ZNF469: variants seen among roughly 807,000 people sequenced by gnomAD.
The protein encoded by ZNF469 is zinc finger protein 469.
ZNF469 carries 1 observed loss-of-function variant against 1.0 expected under a neutral mutation model. The observed-to-expected ratio is 1.00, with a 90% CI of 0.35 to 4.73. The LOEUF is 4.73. Among genes scored for constraint, ZNF469 ranks in the 30% most tolerant of loss-of-function variants. The probability of loss-of-function intolerance (pLI) is 0.16; values close to 1 mark genes in which losing one functional copy is unlikely to be tolerated. For missense variants in ZNF469, 6,100 were observed against 5,356.3 expected (o/e 1.14, Z -4.33); for synonymous variants, 2,703 against 2,363.4 (o/e 1.14, Z -4.17).
At chr16:88,135,747 T>G in the ZNF469 span, among the ~76,000 whole-genome samples, 2 of 17,988 alleles carry the variant, frequency 1.1e-4, no homozygotes, top group East Asian at 2.3e-3. Flanking sequence ...AAGCTGGCCA[T>G]GTTTTTTTTT....
chr16:88,232,298 G>A, the ZNF469 span, among the ~76,000 whole-genome samples: 2 of 152,198 alleles, frequency 1.3e-5, no homozygotes, highest in African/African-American at 4.8e-5. Flanking sequence ...TTACCTGGAT[G>A]TTTAGAACAC....
the ZNF469 span, among the ~76,000 whole-genome samples, chr16:88,266,401 G>A: frequency 6.6e-6 from 1 of 152,248 alleles, no homozygotes; most frequent in Non-Finnish European, 1.5e-5. Flanking sequence ...AGACAGTACG[G>A]CCTGTCGTGC....
chr16:88,170,077 G>T, the ZNF469 span, among the ~76,000 whole-genome samples: 3 of 152,324 alleles, frequency 2.0e-5, no homozygotes, highest in South Asian at 2.1e-4. This position sits in a 1 kb window ranked among gnomAD's most constrained non-coding sequence, Gnocchi z 4.2. Context: ...CTGACTTACT[G>T]TGTGACTGTG....
chr16:88,412,666 C>T (rs1239520393), intron 1 of ZNF469, among the ~76,000 whole-genome samples: 1 of 152,172 alleles, frequency 6.6e-6, no homozygotes, highest in Non-Finnish European at 1.5e-5. Context: ...CAGCGATGTC[C>T]CCACACTCGG....
At chr16:88,234,521 G>C in the ZNF469 span, among the ~76,000 whole-genome samples, 2 of 152,326 alleles carry the variant, frequency 1.3e-5, no homozygotes, top group East Asian at 3.9e-4. Flanking sequence ...AGCGCAGACC[G>C]GGGCTGGCTC....
chr16:88,193,162 ATGGTGGTGGGGATGGTGG>A, the ZNF469 span, among the ~76,000 whole-genome samples: 1 of 63,780 alleles, frequency 1.6e-5, no homozygotes, highest in Non-Finnish European at 3.2e-5. Flanking sequence ...GATGGTGGTG[ATGGTGGTGGGGATGGTGG>A]TGATGGTGGT....
the ZNF469 span, among the ~76,000 whole-genome samples, chr16:88,249,429 C>CTTTTTTTTTTTTTTTTTTT: frequency 7.9e-5 from 5 of 63,612 alleles, no homozygotes; most frequent in African/African-American, 2.5e-4. Context: ...TTTTCTTTTT[C>CTTTTTTTTTTTTTTTTTTT]TTTTTTTTTT....
the ZNF469 span, among the ~76,000 whole-genome samples, chr16:88,251,351 G>A: frequency 6.6e-6 from 1 of 152,040 alleles, no homozygotes; most frequent in Non-Finnish European, 1.5e-5. Flanking sequence ...GACATTGCAT[G>A]TGTCATGTCT....
chr16:88,323,594 C>T, the ZNF469 span, among the ~76,000 whole-genome samples: 15 of 152,120 alleles, frequency 9.9e-5, no homozygotes, highest in Non-Finnish European at 2.2e-4. Context: ...GTGGGAAGGC[C>T]TGGGCAGCCA....
chr16:88,159,155 T>C, the ZNF469 span, among the ~76,000 whole-genome samples: 7 of 8,610 alleles, frequency 8.1e-4, no homozygotes, highest in African/African-American at 1.2e-3. Context: ...CGGATGCTCA[T>C]ATGGCTATGT....
the ZNF469 span, among the ~76,000 whole-genome samples, chr16:88,158,285 C>T: frequency 6.6e-6 from 1 of 151,864 alleles, no homozygotes; most frequent in Non-Finnish European, 1.5e-5. Context: ...GTGGGGGCAG[C>T]TGTAACAAAG....
At chr16:88,214,432 T>C in the ZNF469 span, among the ~76,000 whole-genome samples, 1 of 151,944 alleles carries the variant, frequency 6.6e-6, no homozygotes, top group Non-Finnish European at 1.5e-5. Flanking sequence ...GTCCCCACTC[T>C]GATTGTAGAT....
At chr16:88,318,411 G>T in the ZNF469 span, among the ~76,000 whole-genome samples, 12 of 140,020 alleles carry the variant, frequency 8.6e-5, no homozygotes, top group Non-Finnish European at 1.8e-4. Context: ...GGAAGAGCCA[G>T]CGGTGTCCTC....
the ZNF469 span, among the ~76,000 whole-genome samples, chr16:88,294,559 TTTGA>T: frequency 1.3e-5 from 2 of 152,250 alleles, no homozygotes; most frequent in Non-Finnish European, 2.9e-5. Flanking sequence ...CCACTCATTC[TTTGA>T]AGAAAGAGGC....
At chr16:88,397,684 G>A (rs1013966763) in intron 1 of ZNF469, among the ~76,000 whole-genome samples, 2 of 58,904 alleles carry the variant, frequency 3.4e-5, no homozygotes, top group African/African-American at 1.6e-4. Context: ...ATAGATAGAT[G>A]TGATAGAGAC....
At chr16:88,142,244 G>C in the ZNF469 span, among the ~76,000 whole-genome samples, 1 of 152,206 alleles carries the variant, frequency 6.6e-6, no homozygotes, top group Non-Finnish European at 1.5e-5. Flanking sequence ...GGGGGGTCTG[G>C]GAAAGGCTGC....
At chr16:88,139,997 C>G in the ZNF469 span, among the ~76,000 whole-genome samples, 1 of 152,220 alleles carries the variant, frequency 6.6e-6, no homozygotes, top group Admixed American at 6.5e-5. Flanking sequence ...CTCCAATAAA[C>G]AGCCACAGGA....
chr16:88,304,314 A>T, the ZNF469 span, among the ~76,000 whole-genome samples: 4 of 152,136 alleles, frequency 2.6e-5, no homozygotes, highest in Admixed American at 6.6e-5. Context: ...ACACGTCCCC[A>T]TCGCACTGTG....
the ZNF469 span, among the ~76,000 whole-genome samples, chr16:88,245,704 G>C: frequency 6.6e-6 from 1 of 152,244 alleles, no homozygotes; most frequent in Admixed American, 6.5e-5. Context: ...AAGACTCCCC[G>C]GCCTATTTTT....
Sources: gnomAD v4.1 joint callset for allele counts (sites outside exome capture counted in the v4.1 genomes callset) on GRCh38, gnomAD v4.1.1 for gene constraint, Gnocchi (gnomAD v3.1) non-coding constraint, MANE v1.5 for transcripts, NCBI Gene and HGNC (gene_info 2026-07-23, HGNC 2026-07-21) for gene names.